COG5: variants seen among roughly 807,000 people sequenced by gnomAD.
The protein encoded by COG5 is conserved oligomeric Golgi complex subunit 5.
A neutral mutation model predicts 110.4 loss-of-function variants in COG5; 86 were observed. The observed-to-expected ratio is 0.78, with a 90% CI of 0.65 to 0.93. COG5 has a LOEUF of 0.93. COG5 is among the 40% of genes least tolerant of loss of function. The pLI is 0.00. For missense variants in COG5, 1,077 were observed against 987.0 expected, an observed-to-expected ratio of 1.09 and a Z score of -1.22; for synonymous variants, 360 against 334.6, an observed-to-expected ratio of 1.08 and a Z score of -0.83.
intron 7 of COG5, among the ~76,000 whole-genome samples, chr7:107,395,541 C>CTTTTTTTTTTT (rs67581814): frequency 1.0e-4 from 5 of 50,038 alleles, no homozygotes; most frequent in African/African-American, 4.8e-4. Context: ...TGAAGCAGAT[C>CTTTTTTTTTTT]TTTTTTTTTT....
Position 107,414,743 on chromosome 7 carries a change from T to C in COG5, c.539-2111A>G, listed in dbSNP as rs867523063. Among the ~76,000 whole-genome samples the C allele has an allele frequency of 7.3e-3, 850 of 115,766 alleles. 13 individuals carry two copies. The highest frequency in any genetic ancestry group is 7.1e-3 in the Non-Finnish European group (411 of 57,848). 75.9% of individuals were successfully genotyped at this position (115,766 alleles called of 152,430 possible). A position where few individuals can be genotyped will look rare whatever the true frequency, so the allele number is the denominator to read the frequency against. On this transcript the variant is annotated intron_variant, in intron 6 of 21. Transcript: ENST00000297135. The stretch of plus-strand genomic sequence containing the variant: ...TTTTTTTTTTTTTTTTTTTTTTTTT[T>C]CCGAGACTCAGTCTTGCTCTGTTGC...
chr7:107,478,764 G>A (rs1055954226), intron 6 of COG5, among the ~76,000 whole-genome samples: 1 of 151,910 alleles, frequency 6.6e-6, no homozygotes, highest in African/African-American at 2.4e-5. Context: ...CAAATGTGTA[G>A]CAAAATCTCA....
intron 6 of COG5, among the ~76,000 whole-genome samples, chr7:107,425,201 C>T (rs927474539): frequency 2.0e-5 from 3 of 151,930 alleles, no homozygotes; most frequent in Non-Finnish European, 2.9e-5. Context: ...GGTTTAGACG[C>T]AATACTAAAA....
intron 6 of COG5, among the ~76,000 whole-genome samples, chr7:107,508,163 T>C (rs1259730049): frequency 6.6e-6 from 1 of 152,020 alleles, no homozygotes; most frequent in Non-Finnish European, 1.5e-5. Context: ...ACCTGGAAAA[T>C]CGGGTAACTC....
chr7:107,290,627 T>C (rs1338730843), intron 12 of COG5, among the ~76,000 whole-genome samples: 1 of 152,212 alleles, frequency 6.6e-6, no homozygotes, highest in Non-Finnish European at 1.5e-5. Flanking sequence ...AAATTCTCTT[T>C]TTTAAATCAA....
intron 19 of COG5, among the ~76,000 whole-genome samples, chr7:107,229,932 C>T (rs1800660074): frequency 6.7e-6 from 1 of 148,972 alleles, no homozygotes; most frequent in Admixed American, 6.8e-5. Context: ...CTCACTGCAA[C>T]CTCTGACTCC....
At chr7:107,243,449 T>C (rs1801804815) in intron 17 of COG5, among the ~76,000 whole-genome samples, 1 of 148,016 alleles carries the variant, frequency 6.8e-6, no homozygotes, top group Non-Finnish European at 1.5e-5. Flanking sequence ...GGAGGTAGAC[T>C]TGCAGTGAGC....
At chr7:107,518,498 G>A (rs1013035990) in intron 6 of COG5, among the ~76,000 whole-genome samples, 1 of 152,044 alleles carries the variant, frequency 6.6e-6, no homozygotes, top group Non-Finnish European at 1.5e-5. Context: ...AAAAAAAGCA[G>A]GGGTTACAAT....
chr7:107,313,872 A>G (rs1808492363), intron 11 of COG5, among the ~76,000 whole-genome samples: 1 of 152,166 alleles, frequency 6.6e-6, no homozygotes, highest in Non-Finnish European at 1.5e-5. Flanking sequence ...AGATTAGGCC[A>G]TGGAACTCTT....
intron 6 of COG5, among the ~76,000 whole-genome samples, chr7:107,414,703 CTTTTTTTTTTTTTTTTTTT>C (rs530323655): frequency 1.2e-3 from 75 of 61,714 alleles, no homozygotes; most frequent in Admixed American, 7.7e-3. Context: ...CTCACTGTCC[CTTTTTTTTTTTTTTTTTTT>C]TTTTTTTTTT....
At chr7:107,341,867 T>C (rs1419864641) in intron 10 of COG5, among the ~76,000 whole-genome samples, 2 of 152,212 alleles carry the variant, frequency 1.3e-5, no homozygotes, top group African/African-American at 4.8e-5. Context: ...TTTTATTATA[T>C]GCAAAACTTA....
At chr7:107,445,107 C>T (rs1037174430) in intron 6 of COG5, among the ~76,000 whole-genome samples, 35 of 151,856 alleles carry the variant, frequency 2.3e-4, no homozygotes, top group African/African-American at 7.7e-4. Flanking sequence ...CTTCCAGGAG[C>T]CCAGGAGTTC....
At position 107,540,690 on chromosome 7, in the gene COG5, T is replaced by C. The variant is rs11770377; in HGVS notation, c.417+7421A>G. ...AAAGTCCAACATTATTTAAAAGAAATTTTAAATAATCTAGGAACCCTAAAC... is the reference window on the plus strand; with the variant it reads ...AAAGTCCAACATTATTTAAAAGAAACTTTAAATAATCTAGGAACCCTAAAC... On this transcript the variant is annotated intron_variant, in intron 5 of 21. Transcript: ENST00000297135. Among the ~76,000 whole-genome samples, 772 of 150,254 alleles carry C rather than the reference T, an allele frequency of 5.1e-3. 3 individuals carry two copies. Among genetic ancestry groups the C allele is most frequent in the Non-Finnish European group, 9.2e-3 (625 of 67,676 alleles).
chr7:107,483,984 T>C (rs1444662573), intron 6 of COG5, among the ~76,000 whole-genome samples: 1 of 152,102 alleles, frequency 6.6e-6, no homozygotes, highest in Non-Finnish European at 1.5e-5. Context: ...TCATCAGTGT[T>C]AGGAAGAAAG....
At chr7:107,563,509 T>G (rs1584974851) in intron 1 of COG5, 2 of 453,090 alleles carry the variant, frequency 4.4e-6, no homozygotes, top group Non-Finnish European at 4.0e-6. Context: ...GTCCACAGGG[T>G]TTGGGCTCCC....
At position 107,520,095 on chromosome 7, in the gene COG5, C is replaced by T. The variant is rs191467945; in HGVS notation, c.538+7142G>A. On this transcript the variant is annotated intron_variant, in intron 6 of 21. Coordinates refer to ENST00000297135, the MANE Select transcript of COG5 (RefSeq NM_006348.5). ...AAAAGGGCTCTGATAAAATTCAACA[C>T]ACCTTCATGTTAAAAACTCTCAATA... Among the ~76,000 whole-genome samples the T allele has an allele frequency of 5.5e-3, 844 of 152,216 alleles. 8 individuals are homozygous for T. The highest frequency in any genetic ancestry group is 0.02 in the African/African-American group (812 of 41,542).
rs1020900410 is a variant in COG5, at chr7:107,208,547, C to T, written c.2375+1979G>A. 3.2e-5 allele frequency: 32 copies of T among 985,208 alleles called. No homozygotes were observed. In the African/African-American group the frequency reaches 4.0e-4, roughly 12 times the overall value. The allele number at this position is 985,208 out of a possible 1,614,324, so 61.0% of individuals were successfully genotyped here. On this transcript the variant is annotated intron_variant, in intron 21 of 21. Transcript: ENST00000297135. Reference sequence around the variant, plus strand: ...TGCAGCTGAGTGAATCTTTGGGACTCGGGAAAAATAATCCACACAGACATT... The same window carrying T: ...TGCAGCTGAGTGAATCTTTGGGACTTGGGAAAAATAATCCACACAGACATT...
Position 107,210,995 on chromosome 7 carries a change from C to G in COG5, c.2295+104G>C, listed in dbSNP as rs45511596. On this transcript the variant is annotated intron_variant, in intron 20 of 21. Transcript: ENST00000297135. ...TCAAAGATAGACATAAGCAACTAAACAAAGCAGCAGAGGGCCAGGAATCAT... is the reference window on the plus strand; with the variant it reads ...TCAAAGATAGACATAAGCAACTAAAGAAAGCAGCAGAGGGCCAGGAATCAT... 2.6e-3 allele frequency: 3,433 copies of G among 1,345,696 alleles called. 9 individuals are homozygous for G. Among genetic ancestry groups the G allele is most frequent in the Admixed American group, 3.5e-3 (209 of 59,608 alleles). The allele number at this position is 1,345,696 out of a possible 1,614,324, so 83.4% of individuals were successfully genotyped here. A position where few individuals can be genotyped will look rare whatever the true frequency, so the allele number is the denominator to read the frequency against.
chr7:107,241,146 C>T (rs1335891921), intron 17 of COG5, among the ~76,000 whole-genome samples: 1 of 152,136 alleles, frequency 6.6e-6, no homozygotes, highest in Non-Finnish European at 1.5e-5. Context: ...GCACTAGTTG[C>T]AGCTCACCAA....
Sources: allele counts gnomAD v4.1 joint callset (sites outside exome capture counted in the v4.1 genomes callset), GRCh38; gene constraint gnomAD v4.1.1; transcripts MANE v1.5; gene names NCBI Gene and HGNC (gene_info 2026-07-23, HGNC 2026-07-21).